PPARD: variants seen among roughly 807,000 people sequenced by gnomAD.
The protein encoded by PPARD is peroxisome proliferator-activated receptor delta.
A neutral mutation model predicts 39.5 loss-of-function variants in PPARD; 6 were observed. That is an observed-to-expected ratio of 0.15 (90% CI 0.08 to 0.30). PPARD has a LOEUF of 0.30. Ranked by LOEUF, PPARD falls within the 10% of genes least tolerant of loss-of-function variation. PPARD has a pLI of 1.00. For synonymous variants in PPARD, 210 were observed against 231.3 expected, an observed-to-expected ratio of 0.91 and a Z score of 0.83; for missense variants, 397 against 596.8, an observed-to-expected ratio of 0.67 and a Z score of 3.49.
chr6:35,367,538 A>G (rs1322771782), intron 2 of PPARD, among the ~76,000 whole-genome samples: 4 of 152,218 alleles, frequency 2.6e-5, no homozygotes, highest in Non-Finnish European at 4.4e-5. Flanking sequence ...TCAAGGAGAA[A>G]CAGTGTTTCA....
intron 2 of PPARD, among the ~76,000 whole-genome samples, chr6:35,378,022 C>T (rs1285238790): frequency 6.6e-6 from 1 of 152,032 alleles, no homozygotes; most frequent in East Asian, 1.9e-4. Flanking sequence ...CACCACCATG[C>T]CCAGCTAATT....
intron 2 of PPARD, among the ~76,000 whole-genome samples, chr6:35,398,200 C>G (rs771383156): frequency 3.9e-5 from 6 of 152,098 alleles, no homozygotes; most frequent in Non-Finnish European, 7.4e-5. Context: ...ACTTTGACTG[C>G]TGTACAGAGA....
Position 35,424,652 on chromosome 6 carries a change from G to A in PPARD, c.951G>A (p.Leu317=). 3.1e-6 allele frequency: 5 copies of A among 1,614,224 alleles called. No individual in the cohort carries two copies. The highest frequency in any genetic ancestry group is 4.2e-6 in the Non-Finnish European group (5 of 1,180,042). ...GTGGCTTTGTCACCCGTGAGTTCCT[G>A]CGCAGCCTCCGCAAACCCTTCAGTG... ...NGSGFVTREF[L]RSLRKPFSDI... is the part of the protein sequence containing the mutation. Residue 317 remains leucine, a synonymous_variant, in exon 7 of 8, where the codon CTG becomes CTA. Coordinates refer to ENST00000360694, the MANE Select transcript of PPARD (RefSeq NM_006238.5). This position sits in a 1 kb window ranked among gnomAD's most constrained non-coding sequence, Gnocchi z 7.1.
intron 2 of PPARD, among the ~76,000 whole-genome samples, chr6:35,368,731 G>C (rs1374489712): frequency 6.6e-6 from 1 of 152,212 alleles, no homozygotes; most frequent in Non-Finnish European, 1.5e-5. Flanking sequence ...ACTCCTGAAA[G>C]TGTCCAGGAA....
chr6:35,416,266 C>T (rs1042745884), intron 3 of PPARD, among the ~76,000 whole-genome samples: 1 of 149,784 alleles, frequency 6.7e-6, no homozygotes, highest in Non-Finnish European at 1.5e-5. Flanking sequence ...CCCAGCTACT[C>T]GGGGGGCTGA....
intron 2 of PPARD, among the ~76,000 whole-genome samples, chr6:35,377,599 T>C (rs1762883017): frequency 6.6e-6 from 1 of 152,342 alleles, no homozygotes; most frequent in Admixed American, 6.5e-5. Context: ...ACAAGTTACT[T>C]ATCCCTTCCA....
chr6:35,425,050 A>C lies in PPARD; in HGVS notation c.1078+271A>C. The C allele has an allele frequency of 8.0e-7, 1 of 1,245,688 alleles. No individual in the cohort carries two copies. Among genetic ancestry groups the C allele is most frequent in the African/African-American group, 1.5e-5 (1 of 66,072 alleles). 77.2% of individuals were successfully genotyped at this position (1,245,688 alleles called of 1,614,324 possible). A position where few individuals can be genotyped will look rare whatever the true frequency, so the allele number is the denominator to read the frequency against. ...CACTTTGGCAGGCCGAGGCGGGTGG[A>C]TCACTTGAGGTCAGGAGTTCGAAAC... On this transcript the variant is annotated intron_variant, in intron 7 of 7. Coordinates refer to ENST00000360694, the MANE Select transcript of PPARD (RefSeq NM_006238.5). This position sits in a 1 kb window ranked among gnomAD's most constrained non-coding sequence, Gnocchi z 4.5.
rs959508002 is a variant in PPARD at position 35,412,077 on chromosome 6, C to T, written c.130+860C>T. 3.9e-5 allele frequency among the ~76,000 whole-genome samples: 6 copies of T among 152,082 alleles called. No individual in the cohort carries two copies. The highest frequency in any genetic ancestry group is 8.8e-5 in the Non-Finnish European group (6 of 68,008). On this transcript the variant is annotated intron_variant, in intron 3 of 7. Transcript: ENST00000360694. This position sits in a 1 kb window ranked among gnomAD's most constrained non-coding sequence, Gnocchi z 4.1. ...CCGAGTAGCTGGGATTATAGGCGTG[C>T]ACCACCACGCCCGGCTAATTTTTGT... is the stretch of plus-strand genomic sequence containing the variant.
At chr6:35,416,326 A>G (rs1186069089) in intron 3 of PPARD, among the ~76,000 whole-genome samples, 1 of 131,196 alleles carries the variant, frequency 7.6e-6, no homozygotes, top group Non-Finnish European at 1.6e-5. Flanking sequence ...GTGAGCTGAG[A>G]TCGCGCCATT....
In PPARD at chr6:35,411,232, G is replaced by A; in HGVS notation, c.130+15G>A. On this transcript the variant is annotated intron_variant, in intron 3 of 7. Transcript: ENST00000360694. Reference sequence around the variant, plus strand: ...CAGCTACACAGGTGAGGAGAGGACTGGCAGGGGACACGGGGCAGAGGAGGC... The same window carrying A: ...CAGCTACACAGGTGAGGAGAGGACTAGCAGGGGACACGGGGCAGAGGAGGC... The A allele has an allele frequency of 1.3e-6, 2 of 1,493,726 alleles. No homozygotes were observed. The highest frequency in any genetic ancestry group is 1.4e-5 in the South Asian group (1 of 73,644). 92.5% of individuals were successfully genotyped at this position (1,493,726 alleles called of 1,614,324 possible).
chr6:35,396,069 C>T (rs544694958), intron 2 of PPARD, among the ~76,000 whole-genome samples: 2 of 151,978 alleles, frequency 1.3e-5, no homozygotes, highest in Admixed American at 6.5e-5. Flanking sequence ...TTTTCCATTC[C>T]CTGCCTCCCT....
chr6:35,383,845 C>T (rs1184160234), intron 2 of PPARD, among the ~76,000 whole-genome samples: 2 of 147,094 alleles, frequency 1.4e-5, no homozygotes, highest in Non-Finnish European at 3.0e-5. Flanking sequence ...GCTGCCCCGT[C>T]TGAGAAATGA....
intron 1 of PPARD, among the ~76,000 whole-genome samples, chr6:35,346,043 A>AT (rs1196445330): frequency 1.0e-4 from 15 of 149,998 alleles, no homozygotes; most frequent in African/African-American, 3.4e-4. Context: ...CGCCTGGCTC[A>AT]TTTTTTTTTG....
chr6:35,385,989 G>A (rs1280296938), intron 2 of PPARD, among the ~76,000 whole-genome samples: 1 of 152,138 alleles, frequency 6.6e-6, no homozygotes, highest in East Asian at 1.9e-4. Flanking sequence ...AAAGCCCCCA[G>A]AGGGAAGGGC....
At chr6:35,374,256 C>G (rs1376914392) in intron 2 of PPARD, among the ~76,000 whole-genome samples, 1 of 145,668 alleles carries the variant, frequency 6.9e-6, no homozygotes, top group Non-Finnish European at 1.5e-5. Flanking sequence ...ATGGACCAGG[C>G]ATAGATGGGA....
rs1298677302 is a variant in PPARD, at chr6:35,385,016, G to A, written c.-101-25971G>A. ...GCCCCGTCCGGGAGGGAGGTGGGAG[G>A]GGTCAGCCCCCCACCCGGCCAGCCG... On this transcript the variant is annotated intron_variant, in intron 2 of 7. Coordinates refer to ENST00000360694, the MANE Select transcript of PPARD (RefSeq NM_006238.5). 3.5e-5 allele frequency among the ~76,000 whole-genome samples: 5 copies of A among 143,524 alleles called. No individual in the cohort carries two copies. The East Asian group carries it at 8.2e-4, about 23-fold the overall frequency. The allele number at this position is 143,524 out of a possible 152,430, so 94.2% of individuals were successfully genotyped here.
chr6:35,404,215 T>C (rs892182319), intron 2 of PPARD, among the ~76,000 whole-genome samples: 7 of 152,246 alleles, frequency 4.6e-5, no homozygotes, highest in African/African-American at 2.4e-5. Flanking sequence ...CAAATCCTGC[T>C]TCTCTAGTTA....
At chr6:35,359,003 CAT>C (rs9658075) in intron 2 of PPARD, among the ~76,000 whole-genome samples, 3,190 of 152,218 alleles carry the variant, frequency 0.021, 66 homozygotes, top group African/African-American at 0.052. Flanking sequence ...GGCAGTTCCA[CAT>C]AGAGGGCCGG....
At chr6:35,374,257 A>G (rs1762657155) in intron 2 of PPARD, among the ~76,000 whole-genome samples, 1 of 148,538 alleles carries the variant, frequency 6.7e-6, no homozygotes. Flanking sequence ...TGGACCAGGC[A>G]TAGATGGGAA....
Sources: gnomAD v4.1 joint callset for allele counts (sites outside exome capture counted in the v4.1 genomes callset) on GRCh38, gnomAD v4.1.1 for gene constraint, Gnocchi (gnomAD v3.1) non-coding constraint, MANE v1.5 for transcripts, NCBI Gene and HGNC (gene_info 2026-07-23, HGNC 2026-07-21) for gene names.